Variants in ANKS1A observed in about 807,000 individuals in gnomAD.
ANKS1A encodes the protein ankyrin repeat and sterile alpha motif domain containing 1A.
A neutral mutation model predicts 120.3 loss-of-function variants in ANKS1A; 55 were observed. The observed-to-expected ratio is 0.46, with a 90% CI of 0.37 to 0.57. The LOEUF (loss-of-function observed/expected upper bound fraction) is 0.57, where lower values mean the gene tolerates loss of function less well. ANKS1A is among the 20% of genes least tolerant of loss of function. The pLI, the probability that ANKS1A is intolerant of heterozygous loss-of-function variation, is 0.00. For synonymous variants in ANKS1A, 590 were observed against 604.7 expected, an observed-to-expected ratio of 0.98 and a Z score of 0.36; for missense variants, 1,123 against 1,480.3, an observed-to-expected ratio of 0.76 and a Z score of 3.96.
intron 1 of ANKS1A, among the ~76,000 whole-genome samples, chr6:34,963,836 T>C (rs1446588984): frequency 1.3e-5 from 2 of 152,248 alleles, no homozygotes; most frequent in Non-Finnish European, 2.9e-5. Context: ...TATATCATTT[T>C]GGTTTTAATT....
Position 35,078,539 on chromosome 6 carries a change from T to C in ANKS1A, c.2185-19T>C, listed in dbSNP as rs751515202. The stretch of plus-strand genomic sequence containing the variant: ...CATCCATCCAGGAGGGGCCCTGACA[T>C]CCACCTTTCTGCTCTCAGGGGTCTA... On this transcript the variant is annotated intron_variant, in intron 13 of 23. Coordinates refer to ENST00000360359, the MANE Select transcript of ANKS1A (RefSeq NM_015245.3). The C allele has an allele frequency of 1.5e-5, 24 of 1,608,740 alleles. No individual in the cohort carries two copies. The East Asian group carries it at 4.9e-4, about 33-fold the overall frequency.
intron 2 of ANKS1A, among the ~76,000 whole-genome samples, chr6:34,969,285 G>A (rs146856041): frequency 0.044 from 6,680 of 151,984 alleles, 256 homozygotes; most frequent in African/African-American, 0.11. Context: ...AGAGAGTCTC[G>A]CTCTGTCACC....
chr6:35,083,387 A>T (rs748179646), intron 19 of ANKS1A, 30 bp from the exon 20 acceptor site: 1 of 1,607,964 alleles, frequency 6.2e-7, no homozygotes, highest in South Asian at 1.1e-5. Context: ...GAGAAGGGGC[A>T]CTGACAGGGC....
chr6:35,088,465 G>A, intron 23 of ANKS1A, 141 bp from the exon 24 acceptor site: 1 of 1,055,578 alleles, frequency 9.5e-7, no homozygotes, highest in South Asian at 1.3e-5. Context: ...GGCTGTGGGT[G>A]CTCAAAGCAG....
At chr6:35,092,097 T>C (rs951701813), downstream of ANKS1A, among the ~76,000 whole-genome samples, 20 of 152,138 alleles carry the variant, frequency 1.3e-4, no homozygotes, top group African/African-American at 4.6e-4. Flanking sequence ...TTAGCCCCAC[T>C]CCTTTCCGGA....
rs940252781 is a variant in ANKS1A at position 35,018,280 on chromosome 6, G to A, written c.2010+221G>A. On this transcript the variant is annotated intron_variant, in intron 11 of 23. Coordinates refer to ENST00000360359, the MANE Select transcript of ANKS1A (RefSeq NM_015245.3). ...CTTAATGGTTAAATTAGAGGGTGGA[G>A]GCCCCAGCAGAGCAGGGCTGAGGGA... Among the ~76,000 whole-genome samples the A allele has an allele frequency of 8.5e-5, 13 of 152,322 alleles. No homozygotes were observed. The East Asian group carries it at 2.5e-3, about 29-fold the overall frequency.
At chr6:35,078,406 G>A (rs138394978) in intron 13 of ANKS1A, 152 bp from the exon 14 acceptor site, 806 of 675,026 alleles carry the variant, frequency 1.2e-3, no homozygotes, top group Non-Finnish European at 1.7e-3. Context: ...CCGGATGGAC[G>A]TGGGCAGTCT....
At chr6:35,092,920 G>A (rs943284186), downstream of ANKS1A, among the ~76,000 whole-genome samples, 4 of 152,142 alleles carry the variant, frequency 2.6e-5, no homozygotes, top group Non-Finnish European at 5.9e-5. Flanking sequence ...ACCAGGCCAC[G>A]GAGGAGGAAC....
chr6:35,067,988 G>C (rs896282608), intron 13 of ANKS1A, among the ~76,000 whole-genome samples: 11 of 147,588 alleles, frequency 7.5e-5, no homozygotes, highest in Admixed American at 2.8e-4. Context: ...TCCGCCCCCA[G>C]TTCAAGCGAT....
chr6:34,997,248 G>A (rs1406101258), intron 10 of ANKS1A, among the ~76,000 whole-genome samples: 4 of 146,406 alleles, frequency 2.7e-5, no homozygotes, highest in Admixed American at 7.0e-5. Context: ...CCAGGCTGGA[G>A]TGCAGTGGCA....
chr6:34,937,245 C>T (rs1243250217), intron 1 of ANKS1A, among the ~76,000 whole-genome samples: 4 of 151,770 alleles, frequency 2.6e-5, no homozygotes, highest in South Asian at 2.1e-4. Context: ...TAGGGGCAGG[C>T]GGATCACTTG....
intron 1 of ANKS1A, among the ~76,000 whole-genome samples, chr6:34,960,930 G>A (rs1444021329): frequency 1.3e-5 from 2 of 152,182 alleles, no homozygotes; most frequent in Admixed American, 6.5e-5. Flanking sequence ...GACAAGTGGC[G>A]GAGGCGAGTT....
At position 35,079,806 on chromosome 6, in the gene ANKS1A, C is replaced by T. The variant is rs1269186076; in HGVS notation, c.2437-15C>T. On this transcript the variant is annotated splice_polypyrimidine_tract_variant and intron_variant, in intron 15 of 23. Coordinates refer to ENST00000360359, the MANE Select transcript of ANKS1A (RefSeq NM_015245.3). Reference sequence around the variant, plus strand: ...GGCCACCTGACCTGTCACCTCGCTGCTCCTCATCACCCAGGTCCTGAAGGT... The same window carrying T: ...GGCCACCTGACCTGTCACCTCGCTGTTCCTCATCACCCAGGTCCTGAAGGT... 1 of 1,585,298 alleles carries T rather than the reference C, an allele frequency of 6.3e-7. No individual in the cohort carries two copies.
intron 1 of ANKS1A, among the ~76,000 whole-genome samples, chr6:34,909,815 C>T (rs1767821110): frequency 1.3e-5 from 2 of 152,140 alleles, no homozygotes; most frequent in Non-Finnish European, 1.5e-5. Context: ...AGGAGTTGTA[C>T]AGACAAAGAA....
chr6:34,918,274 G>A (rs1768269594), intron 1 of ANKS1A, among the ~76,000 whole-genome samples: 1 of 152,166 alleles, frequency 6.6e-6, no homozygotes, highest in African/African-American at 2.4e-5. Flanking sequence ...TATGGTTTCT[G>A]GAGCCAGTTG....
At chr6:34,948,994 C>T (rs1769936721) in intron 1 of ANKS1A, among the ~76,000 whole-genome samples, 1 of 152,146 alleles carries the variant, frequency 6.6e-6, no homozygotes, top group African/African-American at 2.4e-5. Flanking sequence ...CATTTACTGT[C>T]CTTTCTCCTG....
At chr6:35,032,279 G>C (rs1338228016) in intron 11 of ANKS1A, among the ~76,000 whole-genome samples, 1 of 152,228 alleles carries the variant, frequency 6.6e-6, no homozygotes, top group Non-Finnish European at 1.5e-5. Context: ...CAGTAGCCCA[G>C]TAAACAGTGT....
At chr6:35,054,708 G>A (rs1776123112) in intron 12 of ANKS1A, among the ~76,000 whole-genome samples, 1 of 152,186 alleles carries the variant, frequency 6.6e-6, no homozygotes, top group South Asian at 2.1e-4. Context: ...TGCTACTTTG[G>A]TCATTCTTTT....
At chr6:35,074,985 A>G (rs1777268158) in intron 13 of ANKS1A, among the ~76,000 whole-genome samples, 1 of 152,236 alleles carries the variant, frequency 6.6e-6, no homozygotes, top group Non-Finnish European at 1.5e-5. Flanking sequence ...AGTAATGCCC[A>G]CCACAACAGA....
Sources: gnomAD v4.1 joint callset for allele counts (sites outside exome capture counted in the v4.1 genomes callset) on GRCh38, gnomAD v4.1.1 for gene constraint, MANE v1.5 for transcripts, NCBI Gene and HGNC (gene_info 2026-07-23, HGNC 2026-07-21) for gene names.